TUT4: variants seen among roughly 807,000 people sequenced by gnomAD.
TUT4 encodes the protein terminal uridylyltransferase 4.
Under a neutral mutation model 192.2 loss-of-function variants are expected in TUT4, and 36 were observed. The ratio of observed to expected loss-of-function variants is 0.19; its 90% confidence interval spans 0.14 to 0.25. The LOEUF is 0.25. Among genes scored for constraint, TUT4 ranks in the 10% least tolerant of loss-of-function variants. The pLI is 1.00. For synonymous variants in TUT4, 618 were observed against 666.0 expected, an observed-to-expected ratio of 0.93 and a Z score of 1.11; for missense variants, 1,493 against 1,957.2, an observed-to-expected ratio of 0.76 and a Z score of 4.47.
At chr1:52,508,052 A>G (rs530469289) in intron 4 of TUT4, among the ~76,000 whole-genome samples, 1 of 151,860 alleles carries the variant, frequency 6.6e-6, no homozygotes, top group Admixed American at 6.6e-5. Context: ...GGCTCAAGCA[A>G]CTCACCTGCC....
At chr1:52,535,729 G>A (rs1459594161) in intron 1 of TUT4, among the ~76,000 whole-genome samples, 4 of 152,134 alleles carry the variant, frequency 2.6e-5, no homozygotes, top group Non-Finnish European at 4.4e-5. Context: ...AATCCACACT[G>A]AGACAGAGTC....
chr1:52,424,049 T>C (rs1648941600), intron 29 of TUT4, 47 bp from the exon 30 acceptor site: 2 of 1,559,362 alleles, frequency 1.3e-6, no homozygotes, highest in Admixed American at 1.9e-5. Context: ...TGTGCCTGTT[T>C]ATCTGACAAC....
At chr1:52,424,918 T>C (rs1649328045) in intron 29 of TUT4, 1 of 154,372 alleles carries the variant, frequency 6.5e-6, no homozygotes, top group Non-Finnish European at 1.4e-5. Flanking sequence ...TTTCTACTCT[T>C]TTTCATTATG....
chr1:52,540,943 C>T (rs1020987390), intron 1 of TUT4, among the ~76,000 whole-genome samples: 2 of 152,176 alleles, frequency 1.3e-5, no homozygotes, highest in South Asian at 2.1e-4. Flanking sequence ...CAGTGGCTCA[C>T]GCCTGTAATC....
At chr1:52,548,678 A>G (rs748021520) in intron 1 of TUT4, among the ~76,000 whole-genome samples, 2 of 152,076 alleles carry the variant, frequency 1.3e-5, no homozygotes, top group Non-Finnish European at 2.9e-5. Flanking sequence ...CATAGTAACT[A>G]TGCAATAAGT....
intron 29 of TUT4, chr1:52,425,096 C>T (rs1405694840): frequency 3.0e-6 from 1 of 328,412 alleles, no homozygotes; most frequent in Admixed American, 4.8e-5. Context: ...TTTGGATTTG[C>T]TAGGGCAATG....
At chr1:52,495,937 T>A (rs958167100) in intron 5 of TUT4, among the ~76,000 whole-genome samples, 1 of 152,140 alleles carries the variant, frequency 6.6e-6, no homozygotes, top group Non-Finnish European at 1.5e-5. Flanking sequence ...AATGCTTTTA[T>A]AAAATACGAA....
At chr1:52,529,338 T>C (rs1477629890) in intron 1 of TUT4, among the ~76,000 whole-genome samples, 1 of 152,194 alleles carries the variant, frequency 6.6e-6, no homozygotes, top group Non-Finnish European at 1.5e-5. Flanking sequence ...GTTTAATTAA[T>C]ACATTTTGCT....
chr1:52,461,403 AAAT>A, intron 18 of TUT4, 107 bp downstream of exon 18: 1 of 1,216,150 alleles, frequency 8.2e-7, no homozygotes, highest in Non-Finnish European at 1.1e-6. Context: ...ATAACTAGTA[AAAT>A]ACTTTTTCCT....
At chr1:52,490,877 G>C in intron 7 of TUT4, 76 bp from the exon 8 acceptor site, 2 of 1,177,694 alleles carry the variant, frequency 1.7e-6, no homozygotes, top group Non-Finnish European at 2.4e-6. Flanking sequence ...TTAAGTAACA[G>C]TTTCCTTCTG....
chr1:52,546,435 G>T (rs554553270), intron 1 of TUT4, among the ~76,000 whole-genome samples: 1 of 152,154 alleles, frequency 6.6e-6, no homozygotes, highest in South Asian at 2.1e-4. Flanking sequence ...AGTGAAATAA[G>T]CCACAAGACA....
intron 1 of TUT4, among the ~76,000 whole-genome samples, chr1:52,546,773 G>T (rs149088363): frequency 3.9e-4 from 60 of 152,190 alleles, no homozygotes; most frequent in African/African-American, 1.4e-3. Context: ...ACAATTTTTA[G>T]AATCTTTTTT....
chr1:52,522,136 A>G (rs1216691101), intron 2 of TUT4, among the ~76,000 whole-genome samples: 1 of 152,228 alleles, frequency 6.6e-6, no homozygotes, highest in Non-Finnish European at 1.5e-5. Flanking sequence ...CTAATACTAT[A>G]CATATCATAT....
At chr1:52,529,513 T>TTA (rs1284546473) in intron 1 of TUT4, among the ~76,000 whole-genome samples, 10 of 152,212 alleles carry the variant, frequency 6.6e-5, no homozygotes, top group Non-Finnish European at 1.0e-4. Context: ...AAGATTAGTT[T>TTA]TACCTTGTCT....
chr1:52,440,066 T>C (rs762433410), intron 24 of TUT4, among the ~76,000 whole-genome samples: 1 of 152,104 alleles, frequency 6.6e-6, no homozygotes, highest in African/African-American at 2.4e-5. Flanking sequence ...ATGTCCAAAA[T>C]AGGCAAATCT....
At chr1:52,425,601 C>T in intron 28 of TUT4, 94 bp from the exon 29 acceptor site, 1 of 1,383,744 alleles carries the variant, frequency 7.2e-7, no homozygotes, top group African/African-American at 1.5e-5. Flanking sequence ...CAGTACCTAC[C>T]ATTGGCTAAG....
intron 20 of TUT4, among the ~76,000 whole-genome samples, chr1:52,448,802 A>G (rs1450209733): frequency 2.6e-5 from 4 of 152,088 alleles, no homozygotes; most frequent in African/African-American, 4.8e-5. Context: ...CCTCTTTAGA[A>G]CCCTGTTTTG....
At chr1:52,476,736 A>T (rs1315160683) in intron 12 of TUT4, among the ~76,000 whole-genome samples, 1 of 152,212 alleles carries the variant, frequency 6.6e-6, no homozygotes, top group African/African-American at 2.4e-5. Context: ...AGAGTACAAG[A>T]TGTGTATAAA....
intron 28 of TUT4, among the ~76,000 whole-genome samples, chr1:52,429,615 A>G (rs1382103479): frequency 2.7e-5 from 4 of 149,186 alleles, no homozygotes; most frequent in East Asian, 2.0e-4. Flanking sequence ...TTTTTTTGAG[A>G]GAGTCTCACT....
Sources: allele counts gnomAD v4.1 joint callset (sites outside exome capture counted in the v4.1 genomes callset), GRCh38; gene constraint gnomAD v4.1.1; transcripts MANE v1.5; gene names NCBI Gene and HGNC (gene_info 2026-07-23, HGNC 2026-07-21).